MFSD6: variants seen among roughly 807,000 people sequenced by gnomAD.
MFSD6 encodes major facilitator superfamily domain-containing protein 6.
MFSD6 carries 26 observed loss-of-function variants against 56.3 expected under a neutral mutation model. The ratio of observed to expected loss-of-function variants is 0.46; its 90% confidence interval spans 0.34 to 0.64. The LOEUF is 0.64. MFSD6 is among the 30% of genes least tolerant of loss of function. The pLI is 0.01. For missense variants in MFSD6, 750 were observed against 986.2 expected (o/e 0.76, Z 3.21); for synonymous variants, 331 against 366.9 (o/e 0.90, Z 1.12).
Position 190,431,201 on chromosome 2 carries a change from G to A in MFSD6, c.-53-4776G>A, listed in dbSNP as rs992588345. ...CCAGATGGGATGGTGGCCGGGAAGA[G>A]GCGCTCCTCACTTCCCAGACTGGGC... is the stretch of plus-strand genomic sequence containing the variant. On this transcript the variant is annotated intron_variant, in intron 2 of 7. Coordinates refer to ENST00000392328, the MANE Select transcript of MFSD6 (RefSeq NM_017694.4). The surrounding 1 kb of genome is among the most constrained non-coding windows in gnomAD (Gnocchi z 4.4). 6.6e-6 allele frequency among the ~76,000 whole-genome samples: 1 copy of A among 151,766 alleles called. No homozygotes were observed. Among genetic ancestry groups the A allele is most frequent in the African/African-American group, 2.4e-5 (1 of 41,306 alleles).
Position 190,497,858 on chromosome 2 carries a change from G to A in MFSD6, c.2172+139G>A. On this transcript the variant is annotated intron_variant, in intron 7 of 7. Coordinates refer to ENST00000392328, the MANE Select transcript of MFSD6 (RefSeq NM_017694.4). The surrounding 1 kb of genome is among the most constrained non-coding windows in gnomAD (Gnocchi z 5.2). ...GGAAATAGACATGCAAACAATTTCA[G>A]TACTCTGTGAGCACTGAGTTAAAGA... 2.0e-6 allele frequency: 2 copies of A among 1,008,198 alleles called. No homozygotes were observed. The highest frequency in any genetic ancestry group is 1.7e-5 in the South Asian group (1 of 60,192). 62.5% of individuals were successfully genotyped at this position (1,008,198 alleles called of 1,614,324 possible).
chr2:190,498,360 T>C lies in MFSD6; in HGVS notation c.2172+641T>C, dbSNP rs1464421286. Among the ~76,000 whole-genome samples, 1 of 152,248 alleles carries C rather than the reference T, an allele frequency of 6.6e-6. No individual in the cohort carries two copies. The highest frequency in any genetic ancestry group is 1.5e-5 in the Non-Finnish European group (1 of 68,040). Reference sequence around the variant, plus strand: ...AAATAGGCTCAGTTCCCCCATCTCATGATAATCACTCCCTTTTATTTGATA... The same window carrying C: ...AAATAGGCTCAGTTCCCCCATCTCACGATAATCACTCCCTTTTATTTGATA... On this transcript the variant is annotated intron_variant, in intron 7 of 7. Coordinates refer to ENST00000392328, the MANE Select transcript of MFSD6 (RefSeq NM_017694.4). The surrounding 1 kb of genome is among the most constrained non-coding windows in gnomAD (Gnocchi z 5.9).
chr2:190,478,632 T>C (rs1574215092), intron 4 of MFSD6, among the ~76,000 whole-genome samples: 2 of 152,156 alleles, frequency 1.3e-5, no homozygotes, highest in African/African-American at 2.4e-5. Flanking sequence ...AATGATTTCA[T>C]TGGAGGACAA....
chr2:190,418,749 CCT>C lies in MFSD6; in HGVS notation c.-54+3337_-54+3338del, dbSNP rs1317562901. Among the ~76,000 whole-genome samples, 2 of 152,190 alleles carry C rather than the reference CCT, an allele frequency of 1.3e-5. No individual in the cohort carries two copies. Among genetic ancestry groups the C allele is most frequent in the Non-Finnish European group, 1.5e-5 (1 of 68,004 alleles). ...TCCAGCCTGGGTGGCAGAAGGAGCC[CCT>C]ATCTAAAAAAACAAAACAAAACAAA... On this transcript the variant is annotated intron_variant, in intron 2 of 7. Transcript: ENST00000392328. The surrounding 1 kb of genome is among the most constrained non-coding windows in gnomAD (Gnocchi z 4.1).
At position 190,488,502 on chromosome 2, in the gene MFSD6, G is replaced by A. The variant is rs765871894; in HGVS notation, c.1631-155G>A. ...TGAGTGTACTCAGTGCCACTGAACC[G>A]TACATTTAAAAATGTGAAAATGGTA... is the stretch of plus-strand genomic sequence containing the variant. On this transcript the variant is annotated intron_variant, in intron 4 of 7. Coordinates refer to ENST00000392328, the MANE Select transcript of MFSD6 (RefSeq NM_017694.4). This position sits in a 1 kb window ranked among gnomAD's most constrained non-coding sequence, Gnocchi z 6.4. Among the ~76,000 whole-genome samples, 9 of 152,184 alleles carry A rather than the reference G, an allele frequency of 5.9e-5. No homozygotes were observed. The highest frequency in any genetic ancestry group is 1.0e-4 in the Non-Finnish European group (7 of 68,030).
At chr2:190,472,750 T>A (rs1342878755) in intron 4 of MFSD6, among the ~76,000 whole-genome samples, 10 of 151,986 alleles carry the variant, frequency 6.6e-5, no homozygotes, top group Admixed American at 2.6e-4. Context: ...ACAAAGATAC[T>A]CCTCGAGAAG....
Position 190,447,788 on chromosome 2 carries a change from G to A in MFSD6, c.1532+10227G>A, listed in dbSNP as rs949574005. Among the ~76,000 whole-genome samples, 1 of 152,114 alleles carries A rather than the reference G, an allele frequency of 6.6e-6. No homozygotes were observed. The highest frequency in any genetic ancestry group is 1.5e-5 in the Non-Finnish European group (1 of 68,022). ...TTCTCATTATCACATTGTAAGCTAT[G>A]GAGTCTCAAAAATTGAAGAATTTAT... On this transcript the variant is annotated intron_variant, in intron 3 of 7. Transcript: ENST00000392328. The surrounding 1 kb of genome is among the most constrained non-coding windows in gnomAD (Gnocchi z 4.5).
At position 190,416,662 on chromosome 2, in the gene MFSD6, A is replaced by G. The variant is rs1690788167; in HGVS notation, c.-54+1249A>G. Among the ~76,000 whole-genome samples the G allele has an allele frequency of 6.6e-6, 1 of 152,268 alleles. No individual in the cohort carries two copies. The highest frequency in any genetic ancestry group is 6.5e-5 in the Admixed American group (1 of 15,290). On this transcript the variant is annotated intron_variant, in intron 2 of 7. Transcript: ENST00000392328. This position sits in a 1 kb window ranked among gnomAD's most constrained non-coding sequence, Gnocchi z 4.1. The stretch of plus-strand genomic sequence containing the variant: ...TTGGCATAATTGCAAAATAAGACCC[A>G]GAGTTTTAATGAAATATCTGGAATA...
chr2:190,428,634 C>G (rs1685857605), intron 2 of MFSD6, among the ~76,000 whole-genome samples: 1 of 150,994 alleles, frequency 6.6e-6, no homozygotes, highest in African/African-American at 2.4e-5. Flanking sequence ...TGTTGGCACT[C>G]AAACATTTAG....
Position 190,498,005 on chromosome 2 carries a change from A to G in MFSD6, c.2172+286A>G. The G allele has an allele frequency of 3.8e-6, 1 of 264,424 alleles. No homozygotes were observed. Among genetic ancestry groups the G allele is most frequent in the Non-Finnish European group, 7.2e-6 (1 of 138,856 alleles). 16.4% of individuals were successfully genotyped at this position (264,424 alleles called of 1,614,324 possible). On this transcript the variant is annotated intron_variant, in intron 7 of 7. Transcript: ENST00000392328. This position sits in a 1 kb window ranked among gnomAD's most constrained non-coding sequence, Gnocchi z 5.9. ...ATAAATTAATCCATTCTTTCATTGTATATTTGTTTTAAATTTCAGTATTGA... is the reference window on the plus strand; with the variant it reads ...ATAAATTAATCCATTCTTTCATTGTGTATTTGTTTTAAATTTCAGTATTGA...
intron 3 of MFSD6, among the ~76,000 whole-genome samples, chr2:190,450,466 ACTTTTT>A (rs1686736227): frequency 7.0e-6 from 1 of 143,780 alleles, no homozygotes; most frequent in South Asian, 2.2e-4. Flanking sequence ...TAACTTGCTA[ACTTTTT>A]CTTTTTCTCT....
chr2:190,415,896 T>C lies in MFSD6; in HGVS notation c.-54+483T>C, dbSNP rs1228647259. On this transcript the variant is annotated intron_variant, in intron 2 of 7. Transcript: ENST00000392328. This position sits in a 1 kb window ranked among gnomAD's most constrained non-coding sequence, Gnocchi z 4.5. ...CCCATACATTTCTGTTTAAACTGCC[T>C]TGTCTCGTGTATAGATTGTGCTTTA... Among the ~76,000 whole-genome samples the C allele has an allele frequency of 6.6e-6, 1 of 152,198 alleles. No homozygotes were observed. Among genetic ancestry groups the C allele is most frequent in the Non-Finnish European group, 1.5e-5 (1 of 68,046 alleles).
chr2:190,476,953 G>A (rs189416016), intron 4 of MFSD6, among the ~76,000 whole-genome samples: 1 of 148,818 alleles, frequency 6.7e-6, no homozygotes, highest in East Asian at 2.0e-4. Context: ...CTATTGTAAG[G>A]ACAAAAAACC....
chr2:190,471,525 C>T lies in MFSD6; in HGVS notation c.1630+1670C>T, dbSNP rs192189751. ...AGCAGTCTGAGATCAAACTGCAAGGCGGCAGTGAGGCTGGGGGAGGGGCAC... is the reference window on the plus strand; with the variant it reads ...AGCAGTCTGAGATCAAACTGCAAGGTGGCAGTGAGGCTGGGGGAGGGGCAC... On this transcript the variant is annotated intron_variant, in intron 4 of 7. Transcript: ENST00000392328. This position sits in a 1 kb window ranked among gnomAD's most constrained non-coding sequence, Gnocchi z 4.7. Among the ~76,000 whole-genome samples the T allele has an allele frequency of 1.6e-3, 243 of 152,254 alleles. No homozygotes were observed. The highest frequency in any genetic ancestry group is 3.3e-3 in the African/African-American group (136 of 41,546).
At chr2:190,441,169 AG>A (rs1686360160) in intron 3 of MFSD6, among the ~76,000 whole-genome samples, 1 of 152,078 alleles carries the variant, frequency 6.6e-6, no homozygotes, top group East Asian at 1.9e-4. Flanking sequence ...TTAGGCCCAC[AG>A]GCTCTCAGAT....
chr2:190,450,734 C>T (rs887721293), intron 3 of MFSD6, among the ~76,000 whole-genome samples: 12 of 152,254 alleles, frequency 7.9e-5, no homozygotes, highest in Admixed American at 7.2e-4. Flanking sequence ...CTCAAGTGAT[C>T]TGCCCACCTC....
At position 190,417,846 on chromosome 2, in the gene MFSD6, C is replaced by T. The variant is rs1690842797; in HGVS notation, c.-54+2433C>T. Among the ~76,000 whole-genome samples the T allele has an allele frequency of 6.6e-6, 1 of 152,144 alleles. No homozygotes were observed. The highest frequency in any genetic ancestry group is 2.4e-5 in the African/African-American group (1 of 41,426). On this transcript the variant is annotated intron_variant, in intron 2 of 7. Transcript: ENST00000392328. The surrounding 1 kb of genome is among the most constrained non-coding windows in gnomAD (Gnocchi z 5.7). ...ACAACCCCTGTCTGAAGTATGGACA[C>T]CCTACTTGGAACTCCAGAAGCATGC...
intron 4 of MFSD6, among the ~76,000 whole-genome samples, chr2:190,475,293 C>T (rs1489034546): frequency 1.3e-5 from 2 of 152,204 alleles, no homozygotes; most frequent in African/African-American, 4.8e-5. Context: ...TTGCAGATGA[C>T]ATGATTGTAT....
Position 190,469,172 on chromosome 2 carries a change from ATTGAACTGATAGGAGAAACTAT to A in MFSD6, c.1533-581_1533-560del, listed in dbSNP as rs1687771944. On this transcript the variant is annotated intron_variant, in intron 3 of 7. Transcript: ENST00000392328. The surrounding 1 kb of genome is among the most constrained non-coding windows in gnomAD (Gnocchi z 5.3). The stretch of plus-strand genomic sequence containing the variant: ...TTTTTTAAAAGATGAACATGTATCC[ATTGAACTGATAGGAGAAACTAT>A]TTGATTTCCAAATAGTTTATAGTAG... Among the ~76,000 whole-genome samples the A allele has an allele frequency of 6.6e-6, 1 of 152,240 alleles. No homozygotes were observed. Among genetic ancestry groups the A allele is most frequent in the Non-Finnish European group, 1.5e-5 (1 of 68,052 alleles).
Sources: gnomAD v4.1 joint callset for allele counts (sites outside exome capture counted in the v4.1 genomes callset) on GRCh38, gnomAD v4.1.1 for gene constraint, Gnocchi (gnomAD v3.1) non-coding constraint, MANE v1.5 for transcripts, NCBI Gene and HGNC (gene_info 2026-07-23, HGNC 2026-07-21) for gene names.